The following ZHX3 variants were observed in gnomAD, a reference collection of about 807,000 sequenced individuals.
The protein encoded by ZHX3 is zinc fingers and homeoboxes 3.
ZHX3 carries 20 observed loss-of-function variants against 64.5 expected under a neutral mutation model. The observed-to-expected ratio is 0.31, with a 90% CI of 0.22 to 0.45. The LOEUF (loss-of-function observed/expected upper bound fraction) is 0.45. Among genes scored for constraint, ZHX3 ranks in the 20% least tolerant of loss-of-function variants. The pLI, the probability that ZHX3 is intolerant of heterozygous loss-of-function variation, is 1.00. For synonymous variants in ZHX3, 423 were observed against 461.6 expected, an observed-to-expected ratio of 0.92 and a Z score of 1.07; for missense variants, 1,041 against 1,195.8, an observed-to-expected ratio of 0.87 and a Z score of 1.91.
intron 2 of ZHX3, among the ~76,000 whole-genome samples, chr20:41,263,558 C>A (rs942475937): frequency 6.6e-6 from 1 of 151,938 alleles, no homozygotes; most frequent in African/African-American, 2.4e-5. Context: ...CCATGCCCGG[C>A]TAATTTTTGT....
chr20:41,275,521 T>C (rs1158871546), intron 1 of ZHX3, among the ~76,000 whole-genome samples: 1 of 152,130 alleles, frequency 6.6e-6, no homozygotes, highest in East Asian at 1.9e-4. Context: ...TAGACAACAG[T>C]CCAGTGATGA....
chr20:41,294,333 G>T (rs774807709), intron 1 of ZHX3, among the ~76,000 whole-genome samples: 2 of 152,142 alleles, frequency 1.3e-5, no homozygotes, highest in Admixed American at 6.5e-5. Context: ...ATGAGTAAAT[G>T]ATGTCTAAGT....
At chr20:41,297,985 T>C (rs767326412) in intron 1 of ZHX3, among the ~76,000 whole-genome samples, 9 of 152,164 alleles carry the variant, frequency 5.9e-5, no homozygotes, top group Non-Finnish European at 8.8e-5. Flanking sequence ...TCTAAAGATA[T>C]AGAGCTAAGG....
chr20:41,220,692 TTTTTG>T (rs922383222), intron 2 of ZHX3, among the ~76,000 whole-genome samples: 8 of 152,040 alleles, frequency 5.3e-5, no homozygotes, highest in Admixed American at 2.6e-4. Flanking sequence ...TTTTGTTTTG[TTTTTG>T]TTTTGTTTTG....
chr20:41,191,761 T>C (rs957593896), intron 3 of ZHX3, among the ~76,000 whole-genome samples: 1 of 152,218 alleles, frequency 6.6e-6, no homozygotes, highest in African/African-American at 2.4e-5. Context: ...TTTCTTTGGC[T>C]ATAAATAGCA....
At position 41,182,608 on chromosome 20, in the gene ZHX3, G is replaced by T. The variant is rs1405984718; in HGVS notation, c.*2583C>A. ...GACTGCCTCCCTCATCATCGCTTTT[G>T]ATCATCTTTCAAGGATAAGGTCCAG... On this transcript the variant is annotated 3_prime_UTR_variant, in exon 4 of 4. Coordinates refer to ENST00000683867, the MANE Select transcript of ZHX3 (RefSeq NM_001384317.1). This position sits in a 1 kb window ranked among gnomAD's most constrained non-coding sequence, Gnocchi z 6.1. 8.5e-5 allele frequency: 13 copies of T among 152,238 alleles called. No homozygotes were observed. The highest frequency in any genetic ancestry group is 3.1e-4 in the African/African-American group (13 of 41,438). 9.4% of individuals were successfully genotyped at this position (152,238 alleles called of 1,614,324 possible).
At chr20:41,207,084 A>G (rs1194637576) in intron 2 of ZHX3, among the ~76,000 whole-genome samples, 1 of 152,238 alleles carries the variant, frequency 6.6e-6, no homozygotes, top group African/African-American at 2.4e-5. Context: ...AAAATCCTTT[A>G]CAGACAAACA....
Position 41,204,555 on chromosome 20 carries a change from G to T in ZHX3, c.362C>A (p.Pro121His). Residue 121 changes from proline (P) to histidine (H), a missense_variant, in exon 3 of 4, where the codon CCT (proline) becomes CAT (histidine). Transcript: ENST00000683867. This position sits in a 1 kb window ranked among gnomAD's most constrained non-coding sequence, Gnocchi z 6.6. Reference protein sequence around the residue: ...CSGCSFLAKTPEGLSLHNATC... With the variant: ...CSGCSFLAKTHEGLSLHNATC... The stretch of plus-strand genomic sequence containing the variant: ...GGCATTGTGCAAGGAAAGCCCCTCA[G>T]GGGTTTTTGCCAGAAAACTGCACCC... The T allele has an allele frequency of 6.2e-7, 1 of 1,614,196 alleles. No individual in the cohort carries two copies. Among genetic ancestry groups the T allele is most frequent in the Non-Finnish European group, 8.5e-7 (1 of 1,180,034 alleles).
intron 2 of ZHX3, among the ~76,000 whole-genome samples, chr20:41,216,006 A>G (rs958843614): frequency 6.6e-6 from 1 of 152,000 alleles, no homozygotes; most frequent in African/African-American, 2.4e-5. Context: ...AAACATAACT[A>G]TAGTGGGAGA....
At chr20:41,238,947 T>G (rs1207376067) in intron 2 of ZHX3, among the ~76,000 whole-genome samples, 1 of 151,714 alleles carries the variant, frequency 6.6e-6, no homozygotes, top group Non-Finnish European at 1.5e-5. Context: ...AGGTTGAGTT[T>G]GAGTCAGTTG....
chr20:41,206,816 C>G (rs1043270217), intron 2 of ZHX3, among the ~76,000 whole-genome samples: 1 of 152,046 alleles, frequency 6.6e-6, no homozygotes, highest in African/African-American at 2.4e-5. Flanking sequence ...AGATACTCCT[C>G]GAGAAGAGCA....
In ZHX3 at chr20:41,181,819, CTACCCAATGTTCTGTCCAA is replaced by C. The variant is rs1461503823; in HGVS notation, c.*3353_*3371del. 3 of 152,226 alleles carry C rather than the reference CTACCCAATGTTCTGTCCAA, an allele frequency of 2.0e-5. No homozygotes were observed. The highest frequency in any genetic ancestry group is 2.9e-5 in the Non-Finnish European group (2 of 68,050). The allele number at this position is 152,226 out of a possible 1,614,324, so 9.4% of individuals were successfully genotyped here. On this transcript the variant is annotated 3_prime_UTR_variant, in exon 4 of 4. Transcript: ENST00000683867. ...AGTACATGTGTGAGCCCGCAAGGCA[CTACCCAATGTTCTGTCCAA>C]CTTCCTCCTTGTGCTACTAGAGAGC...
intron 1 of ZHX3, among the ~76,000 whole-genome samples, chr20:41,311,697 G>C (rs944521756): frequency 1.3e-5 from 2 of 152,184 alleles, no homozygotes; most frequent in Non-Finnish European, 2.9e-5. Context: ...TCTTAGCTAT[G>C]TAACTTTAAA....
Position 41,309,104 on chromosome 20 carries a change from T to C in ZHX3, c.-245+8405A>G, listed in dbSNP as rs772561854. ...ATAAATGTCTCCAAACAGCTATACT[T>C]TGAATTATTTTATAGAGCATTTCTG... is the stretch of plus-strand genomic sequence containing the variant. On this transcript the variant is annotated intron_variant, in intron 1 of 3. Transcript: ENST00000683867. Among the ~76,000 whole-genome samples, 93 of 152,298 alleles carry C rather than the reference T, an allele frequency of 6.1e-4. 1 individual carries two copies. Among genetic ancestry groups the C allele is most frequent in the Non-Finnish European group, 1.0e-3 (69 of 68,022 alleles).
At chr20:41,269,884 C>CAA (rs758453044) in intron 1 of ZHX3, among the ~76,000 whole-genome samples, 3 of 140,528 alleles carry the variant, frequency 2.1e-5, no homozygotes, top group African/African-American at 7.7e-5. Flanking sequence ...TTTTGCCCCT[C>CAA]AAAAAAAAAA....
chr20:41,254,460 T>C (rs1365189518), intron 2 of ZHX3: 1 of 152,198 alleles, frequency 6.6e-6, no homozygotes, highest in Non-Finnish European at 1.5e-5. Flanking sequence ...GTGCTAGCTG[T>C]TATTATGTCA....
At chr20:41,218,929 T>TG (rs1167228316) in intron 2 of ZHX3, among the ~76,000 whole-genome samples, 16 of 143,910 alleles carry the variant, frequency 1.1e-4, no homozygotes, top group African/African-American at 1.6e-4. Context: ...TGCTGTTTTT[T>TG]TTTTTTTTTT....
At position 41,202,865 on chromosome 20, in the gene ZHX3, C is replaced by T. The variant is rs540161567; in HGVS notation, c.2052G>A (p.Glu684=). 9.3e-6 allele frequency: 15 copies of T among 1,614,206 alleles called. No individual in the cohort carries two copies. The highest frequency in any genetic ancestry group is 2.2e-5 in the East Asian group (1 of 44,880). ...CTCCACCCTCATCCTCAGCAGCCTC[C>T]TCTTCCTCCTGAGAGGCATTCTCCT... ...KAEENASQEE[E]EAAEDEGGEE... The change falls in exon 3 of 4, where the codon GAG becomes GAA. Residue 684 remains glutamate, a synonymous_variant. Transcript: ENST00000683867. This position sits in a 1 kb window ranked among gnomAD's most constrained non-coding sequence, Gnocchi z 7.0.
At chr20:41,250,567 G>T (rs1303573189) in intron 2 of ZHX3, among the ~76,000 whole-genome samples, 1 of 152,020 alleles carries the variant, frequency 6.6e-6, no homozygotes, top group South Asian at 2.1e-4. Context: ...AATAGCAAAA[G>T]ATCCAATATT....
Sources: allele counts gnomAD v4.1 joint callset (sites outside exome capture counted in the v4.1 genomes callset), GRCh38; gene constraint gnomAD v4.1.1; non-coding constraint Gnocchi (gnomAD v3.1); transcripts MANE v1.5; gene names NCBI Gene and HGNC (gene_info 2026-07-23, HGNC 2026-07-21).